Variants in CCDC32 observed in about 807,000 individuals in gnomAD.
CCDC32 encodes coiled-coil domain containing 32, also known as coiled-coil domain-containing protein 32.
CCDC32 carries 9 observed loss-of-function variants against 20.1 expected under a neutral mutation model. That is an observed-to-expected ratio of 0.45 (90% CI 0.27 to 0.78). The LOEUF (loss-of-function observed/expected upper bound fraction) is 0.78, where lower values mean the gene tolerates loss of function less well. Among genes scored for constraint, CCDC32 ranks in the 30% least tolerant of loss-of-function variants. The probability of loss-of-function intolerance (pLI) is 0.16; values close to 1 mark genes in which losing one functional copy is unlikely to be tolerated. For synonymous variants in CCDC32, 63 were observed against 79.0 expected (o/e 0.80, Z 1.07); for missense variants, 204 against 215.5 (o/e 0.95, Z 0.33).
intron 3 of CCDC32, 36 bp downstream of exon 3, chr15:40,557,180 A>G: frequency 6.3e-7 from 1 of 1,577,774 alleles, no homozygotes; most frequent in African/African-American, 1.4e-5. Flanking sequence ...TACATAAAGG[A>G]TGATTTCAGC....
chr15:40,529,381 ATTCTT>A (rs755943375), intron 3 of CCDC32, among the ~76,000 whole-genome samples: 7 of 152,194 alleles, frequency 4.6e-5, no homozygotes, highest in Non-Finnish European at 8.8e-5. Flanking sequence ...TAGAAACTCT[ATTCTT>A]TGGTTGGTTA....
chr15:40,538,283 G>A (rs919307859), downstream of CCDC32: 4 of 152,164 alleles, frequency 2.6e-5, no homozygotes, highest in African/African-American at 9.7e-5. Flanking sequence ...CTATGGTCTT[G>A]TTTTCCATAG....
chr15:40,548,049 T>C (rs1889694912), intron 3 of CCDC32, among the ~76,000 whole-genome samples: 1 of 152,252 alleles, frequency 6.6e-6, no homozygotes, highest in Non-Finnish European at 1.5e-5. Flanking sequence ...GTTGAAACAG[T>C]TGATGGGTCA....
chr15:40,553,246 A>G lies in CCDC32; in HGVS notation c.*725T>C, dbSNP rs911729085. 1.0e-6 allele frequency: 1 copy of G among 985,440 alleles called. No homozygotes were observed. Among genetic ancestry groups the G allele is most frequent in the African/African-American group, 1.7e-5 (1 of 57,336 alleles). 61.0% of individuals were successfully genotyped at this position (985,440 alleles called of 1,614,324 possible). A position where few individuals can be genotyped will look rare whatever the true frequency, so the allele number is the denominator to read the frequency against. On this transcript the variant is annotated 3_prime_UTR_variant, in exon 4 of 4. Transcript: ENST00000416810. ...AGTGTCAAACACTAACACCATATTT[A>G]CAAGTCTAATTTGGAACCTGGCCCT...
At chr15:40,543,010 C>T (rs961532865) in intron 3 of CCDC32, among the ~76,000 whole-genome samples, 1 of 151,112 alleles carries the variant, frequency 6.6e-6, no homozygotes, top group African/African-American at 2.4e-5. Flanking sequence ...AAAAAATTAG[C>T]CAGGGGTATA....
At chr15:40,547,978 TTG>T (rs1889691373) in intron 3 of CCDC32, among the ~76,000 whole-genome samples, 1 of 152,216 alleles carries the variant, frequency 6.6e-6, no homozygotes, top group African/African-American at 2.4e-5. Flanking sequence ...CTTTACAAAT[TTG>T]TTAACATTTT....
chr15:40,535,449 T>C, downstream of CCDC32: 3 of 992,622 alleles, frequency 3.0e-6, no homozygotes, highest in Non-Finnish European at 3.6e-6. Flanking sequence ...TCATTTGATC[T>C]AGGGTGTTTA....
At chr15:40,521,854 C>T in the CCDC32 span, among the ~76,000 whole-genome samples, 1 of 152,184 alleles carries the variant, frequency 6.6e-6, no homozygotes, top group African/African-American at 2.4e-5. Flanking sequence ...AAATTCTAGA[C>T]AGCAGTCCCT....
Position 40,564,976 on chromosome 15 carries a change from C to T in CCDC32, c.-13G>A, listed in dbSNP as rs375433457. On this transcript the variant is annotated splice_region_variant and 5_prime_UTR_variant, in exon 1 of 4. Coordinates refer to ENST00000416810, the MANE Select transcript of CCDC32 (RefSeq NM_001080792.4). ...GGCACCCCAGCCCCTCCTCACTTAC[C>T]GTAACAGCTGCCCAGTAAACGCTTG... The T allele has an allele frequency of 3.7e-5, 23 of 622,162 alleles. No homozygotes were observed. The highest frequency in any genetic ancestry group is 3.1e-4 in the African/African-American group (17 of 54,416). The allele number at this position is 622,162 out of a possible 1,614,324, so 38.5% of individuals were successfully genotyped here. A position where few individuals can be genotyped will look rare whatever the true frequency, so the allele number is the denominator to read the frequency against.
downstream of CCDC32, among the ~76,000 whole-genome samples, chr15:40,551,508 A>G (rs918980360): frequency 2.6e-5 from 4 of 152,034 alleles, no homozygotes; most frequent in African/African-American, 9.7e-5. Flanking sequence ...GGCTTCCTCA[A>G]TGTACCCAGG....
downstream of CCDC32, among the ~76,000 whole-genome samples, chr15:40,525,262 T>A (rs1894887187): frequency 6.6e-6 from 1 of 152,114 alleles, no homozygotes; most frequent in African/African-American, 2.4e-5. Context: ...ACTCCTGACC[T>A]CGTGATCCAC....
downstream of CCDC32, chr15:40,534,825 G>T: frequency 1.4e-6 from 1 of 697,004 alleles, no homozygotes; most frequent in Non-Finnish European, 2.6e-6. Flanking sequence ...ATCAGGATTA[G>T]TGTTTCAACA....
the CCDC32 span, among the ~76,000 whole-genome samples, chr15:40,521,124 G>T: frequency 2.0e-5 from 3 of 152,156 alleles, no homozygotes; most frequent in Non-Finnish European, 4.4e-5. Flanking sequence ...CTGTCTTGGG[G>T]TGGCACAGTC....
At chr15:40,551,700 C>T (rs1889872698), downstream of CCDC32, among the ~76,000 whole-genome samples, 1 of 150,252 alleles carries the variant, frequency 6.7e-6, no homozygotes, top group African/African-American at 2.4e-5. Flanking sequence ...GTCCCAGATA[C>T]TCGGGAGCCT....
chr15:40,532,514 A>T (rs575415201), downstream of CCDC32, among the ~76,000 whole-genome samples: 1 of 152,240 alleles, frequency 6.6e-6, no homozygotes, highest in African/African-American at 2.4e-5. Context: ...ACAGCTGTTC[A>T]CCATGAGCCC....
chr15:40,547,184 G>A (rs966296765), intron 3 of CCDC32, among the ~76,000 whole-genome samples: 8 of 152,082 alleles, frequency 5.3e-5, no homozygotes, highest in African/African-American at 1.9e-4. Flanking sequence ...ATTACCTTCA[G>A]TGCACCCCAG....
chr15:40,542,494 T>C (rs1889437063), intron 3 of CCDC32, among the ~76,000 whole-genome samples: 1 of 152,182 alleles, frequency 6.6e-6, no homozygotes, highest in Non-Finnish European at 1.5e-5. Flanking sequence ...GTTGCAAGAA[T>C]GGCACCACCT....
downstream of CCDC32, among the ~76,000 whole-genome samples, chr15:40,551,723 C>T (rs1287992672): frequency 6.7e-6 from 1 of 148,632 alleles, no homozygotes. Flanking sequence ...GGCAGGATCA[C>T]CTGAGCCCAG....
At chr15:40,524,470 T>A (rs1377973252), downstream of CCDC32, among the ~76,000 whole-genome samples, 1 of 151,974 alleles carries the variant, frequency 6.6e-6, no homozygotes, top group East Asian at 1.9e-4. Flanking sequence ...ACATGCATAA[T>A]CTTAAAAATA....
Sources: gnomAD v4.1 joint callset for allele counts (sites outside exome capture counted in the v4.1 genomes callset) on GRCh38, gnomAD v4.1.1 for gene constraint, MANE v1.5 for transcripts, NCBI Gene and HGNC (gene_info 2026-07-23, HGNC 2026-07-21) for gene names.